TCOF1: variants seen among roughly 807,000 people sequenced by gnomAD.
The protein encoded by TCOF1 is treacle ribosome biogenesis factor 1, also known as treacle protein.
Under a neutral mutation model 149.0 loss-of-function variants are expected in TCOF1, and 33 were observed. That is an observed-to-expected ratio of 0.22 (90% CI 0.17 to 0.30). The LOEUF is 0.30. Among genes scored for constraint, TCOF1 ranks in the 10% least tolerant of loss-of-function variants. The probability of loss-of-function intolerance (pLI) is 1.00; values close to 1 mark genes in which losing one functional copy is unlikely to be tolerated. For missense variants in TCOF1, 1,728 were observed against 1,840.7 expected, an observed-to-expected ratio of 0.94 and a Z score of 1.12; for synonymous variants, 789 against 738.8, an observed-to-expected ratio of 1.07 and a Z score of -1.10.
At chr5:150,362,878 G>A (rs1028511354) in intron 2 of TCOF1, among the ~76,000 whole-genome samples, 2 of 152,178 alleles carry the variant, frequency 1.3e-5, no homozygotes, top group African/African-American at 4.8e-5. Flanking sequence ...TTCTATGGGT[G>A]AGGGGGACAA....
Position 150,375,741 on chromosome 5 carries a change from C to A in TCOF1, c.1725C>A (p.Ile575=). 6.2e-7 allele frequency: 1 copy of A among 1,614,256 alleles called. No individual in the cohort carries two copies. The highest frequency in any genetic ancestry group is 8.5e-7 in the Non-Finnish European group (1 of 1,180,052). The change falls in exon 12 of 27, where the codon ATC becomes ATA. Residue 575 remains isoleucine (I), a synonymous_variant. Coordinates refer to ENST00000643257, the MANE Select transcript of TCOF1 (RefSeq NM_001371623.1). ...APAQEKSLGN[I]LQAKPTSSPA... ...TCCAGGAAAAGTCCTTGGGGAACAT[C>A]CTCCAGGCCAAACCCACCTCCAGTC...
chr5:150,378,732 T>G lies in TCOF1; in HGVS notation c.2341-173T>G. 3.7e-6 allele frequency: 3 copies of G among 812,194 alleles called. No individual in the cohort carries two copies. The South Asian group carries it at 4.8e-5, about 13-fold the overall frequency. 50.3% of individuals were successfully genotyped at this position (812,194 alleles called of 1,614,324 possible). On this transcript the variant is annotated intron_variant, in intron 14 of 26. Coordinates refer to ENST00000643257, the MANE Select transcript of TCOF1 (RefSeq NM_001371623.1). Reference sequence around the variant, plus strand: ...GGGCCTTATTATTATCTCCATTTGATAGAGGACTGAACTGAGGCCCAGTGA... The same window carrying G: ...GGGCCTTATTATTATCTCCATTTGAGAGAGGACTGAACTGAGGCCCAGTGA...
In TCOF1 at chr5:150,374,697, A is replaced by C; in HGVS notation, c.1164A>C (p.Pro388=). Residue 388 remains proline, a synonymous_variant, in exon 9 of 27, where the codon CCA becomes CCC. Coordinates refer to ENST00000643257, the MANE Select transcript of TCOF1 (RefSeq NM_001371623.1). ...AGTCCCCCAGGAAAGGAGCTGCCCC[A>C]GCGCCCCCTGGGAAGACAGGGCCTG... ...AKESPRKGAA[P]APPGKTGPAV... The C allele has an allele frequency of 1.2e-6, 2 of 1,613,602 alleles. No individual in the cohort carries two copies. The highest frequency in any genetic ancestry group is 1.7e-6 in the Non-Finnish European group (2 of 1,179,936).
chr5:150,389,865 C>T, intron 18 of TCOF1, 22 bp from the exon 19 acceptor site: 1 of 1,614,176 alleles, frequency 6.2e-7, no homozygotes, highest in Admixed American at 1.7e-5. Context: ...CCCTGATGTG[C>T]CCCCATCTCG....
intron 2 of TCOF1, among the ~76,000 whole-genome samples, chr5:150,363,083 TA>T (rs746268702): frequency 2.6e-5 from 4 of 152,130 alleles, no homozygotes; most frequent in Non-Finnish European, 5.9e-5. Context: ...TATAAAGTGC[TA>T]AAACTACCGG....
Position 150,376,200 on chromosome 5 carries a change from C to G in TCOF1, c.2012C>G (p.Thr671Ser), listed in dbSNP as rs1763759617. The G allele has an allele frequency of 6.2e-7, 1 of 1,614,220 alleles. No individual in the cohort carries two copies. Among genetic ancestry groups the G allele is most frequent in the Non-Finnish European group, 8.5e-7 (1 of 1,180,018 alleles). ...ACCCAAGCCCCCCGGAAAGCAGGAA[C>G]TGCGACTTCTCCAGCAGGCTCATCC... ...VGTQAPRKAG[T>S]ATSPAGSSPA... Residue 671 changes from threonine to serine, a missense_variant, in exon 13 of 27, where the codon ACT becomes AGT. Physicochemically the swap from Thr to Ser is moderately conservative, Grantham distance 58. This residue lies in a region of TCOF1 where 1,696 missense variants were observed against 1,765.4 expected (regional missense o/e 0.96). Coordinates refer to ENST00000643257, the MANE Select transcript of TCOF1 (RefSeq NM_001371623.1).
At position 150,379,537 on chromosome 5, in the gene TCOF1, G is replaced by T; in HGVS notation, c.2664G>T (p.Lys888Asn). The change falls in exon 17 of 27, where the codon AAG becomes AAT. Residue 888 changes from lysine to asparagine, a missense_variant. Coordinates refer to ENST00000643257, the MANE Select transcript of TCOF1 (RefSeq NM_001371623.1). ...EEEAETLAQVKPSGKTHQIRA... is the reference protein window; with the variant it reads ...EEEAETLAQVNPSGKTHQIRA... ...CATCCTGTTTCTCCCTCCAGGTGAA[G>T]CCTTCAGGGAAGACCCACCAGATCA... 1 of 1,614,194 alleles carries T rather than the reference G, an allele frequency of 6.2e-7. No homozygotes were observed. Among genetic ancestry groups the T allele is most frequent in the Non-Finnish European group, 8.5e-7 (1 of 1,180,034 alleles).
Position 150,398,382 on chromosome 5 carries a change from G to T in TCOF1, c.4374G>T (p.Lys1458Asn), listed in dbSNP as rs779419666. 1 of 1,607,810 alleles carries T rather than the reference G, an allele frequency of 6.2e-7. No individual in the cohort carries two copies. Among genetic ancestry groups the T allele is most frequent in the Non-Finnish European group, 8.5e-7 (1 of 1,174,608 alleles). ...AAAAAGACAAAGAAAAAAAAGAAAA[G>T]AAGAAGAAAGCAAAAAAGGCCTCAA... ...KRKKDKEKKE[K>N]KKKAKKASTK... is the part of the protein sequence containing the mutation. The change falls in exon 25 of 27, where the codon AAG (lysine) becomes AAT (asparagine). Residue 1458 changes from lysine (K) to asparagine (N), a missense_variant. This residue lies in a region of TCOF1 where 1,696 missense variants were observed against 1,765.4 expected (regional missense o/e 0.96). Coordinates refer to ENST00000643257, the MANE Select transcript of TCOF1 (RefSeq NM_001371623.1).
chr5:150,384,130 A>G, intron 17 of TCOF1: 4 of 1,131,630 alleles, frequency 3.5e-6, no homozygotes, highest in Non-Finnish European at 3.3e-6. Context: ...AATATCACAT[A>G]CCACATTGTT....
chr5:150,375,425 A>G lies in TCOF1; in HGVS notation c.1575A>G (p.Pro525=). 6.2e-7 allele frequency: 1 copy of G among 1,612,102 alleles called. No homozygotes were observed. The highest frequency in any genetic ancestry group is 8.5e-7 in the Non-Finnish European group (1 of 1,179,372). ...GPLGKGAGPV[P]PGKVGPATPS... ...TGGGGAAAGGCGCCGGCCCAGTGCCACCCGGGAAGGTGGGGCCTGCAACCC... is the reference window on the plus strand; with the variant it reads ...TGGGGAAAGGCGCCGGCCCAGTGCCGCCCGGGAAGGTGGGGCCTGCAACCC... The change falls in exon 11 of 27, where the codon CCA becomes CCG. Residue 525 remains proline (P), a synonymous_variant. Transcript: ENST00000643257.
intron 23 of TCOF1, among the ~76,000 whole-genome samples, 183 bp from the exon 24 acceptor site, chr5:150,396,098 AT>A (rs1250744289): frequency 6.6e-6 from 1 of 152,168 alleles, no homozygotes; most frequent in Non-Finnish European, 1.5e-5. Flanking sequence ...AGGGTGTGAA[AT>A]TGGTGGAAAG....
chr5:150,367,713 C>T (rs775455088), intron 3 of TCOF1, 131 bp from the exon 4 acceptor site: 1 of 1,031,306 alleles, frequency 9.7e-7, no homozygotes, highest in Non-Finnish European at 1.5e-6. Flanking sequence ...AGTCTGGGCT[C>T]AGCCTCAGAT....
chr5:150,363,955 A>G (rs1760726150), intron 2 of TCOF1, among the ~76,000 whole-genome samples, 158 bp from the exon 3 acceptor site: 1 of 152,272 alleles, frequency 6.6e-6, no homozygotes, highest in African/African-American at 2.4e-5. Context: ...GTGAAAATGC[A>G]GAATACAAAA....
At position 150,375,577 on chromosome 5, in the gene TCOF1, T is replaced by C. The variant is rs762597062; in HGVS notation, c.1704+23T>C. The C allele has an allele frequency of 3.2e-5, 51 of 1,613,246 alleles. 3 individuals carry two copies. The Middle Eastern group carries it at 4.9e-4, about 16-fold the overall frequency. On this transcript the variant is annotated intron_variant, in intron 11 of 26. Transcript: ENST00000643257. Reference sequence around the variant, plus strand: ...CAGGTGAGGCCCCTTCCTGTAAGGCTCTTTCTTTTTCCCCCCCACTCAGAG... The same window carrying C: ...CAGGTGAGGCCCCTTCCTGTAAGGCCCTTTCTTTTTCCCCCCCACTCAGAG...
At chr5:150,384,498 G>A (rs1765870044) in intron 17 of TCOF1, 1 of 985,482 alleles carries the variant, frequency 1.0e-6, no homozygotes, top group South Asian at 4.7e-5. Context: ...CTTGGGCATT[G>A]CCCTCTGGCT....
At chr5:150,368,000 A>G (rs1485543369) in intron 4 of TCOF1, 83 bp downstream of exon 4, 1 of 1,492,670 alleles carries the variant, frequency 6.7e-7, no homozygotes, top group Non-Finnish European at 9.3e-7. Flanking sequence ...AGAGAAGGAT[A>G]GGGTTGTGAG....
At chr5:150,379,507 C>T (rs1250746582) in intron 16 of TCOF1, 25 bp from the exon 17 acceptor site, 2 of 1,379,460 alleles carry the variant, frequency 1.4e-6, no homozygotes, top group Non-Finnish European at 2.0e-6. Context: ...CAGGCTCTCT[C>T]CTCTCATCCT....
At chr5:150,369,663 G>A in intron 6 of TCOF1, 61 bp downstream of exon 6, 1 of 1,584,742 alleles carries the variant, frequency 6.3e-7, no homozygotes, top group Admixed American at 1.7e-5. Flanking sequence ...CCAGGAACCT[G>A]TCTGGGGCTT....
Position 150,363,368 on chromosome 5 carries a change from G to C in TCOF1, c.165-745G>C, listed in dbSNP as rs556272299. Among the ~76,000 whole-genome samples the C allele has an allele frequency of 2.0e-5, 3 of 152,324 alleles. No homozygotes were observed. The South Asian group carries it at 6.2e-4, about 32-fold the overall frequency. ...AGAGTCCATCGCAGCTGGGAAACCT[G>C]GGGCCTAGACAGTGACTCCCTGGGA... is the stretch of plus-strand genomic sequence containing the variant. On this transcript the variant is annotated intron_variant, in intron 2 of 26. Coordinates refer to ENST00000643257, the MANE Select transcript of TCOF1 (RefSeq NM_001371623.1).
Sources: gnomAD v4.1 joint callset for allele counts (sites outside exome capture counted in the v4.1 genomes callset) on GRCh38, gnomAD v4.1.1 for gene constraint, gnomAD v4.1.1 regional missense constraint, MANE v1.5 for transcripts, NCBI Gene and HGNC (gene_info 2026-07-23, HGNC 2026-07-21) for gene names.